IFT140: variants seen among roughly 807,000 people sequenced by gnomAD.
IFT140 encodes the protein intraflagellar transport 140, also known as intraflagellar transport protein 140 homolog.
IFT140 carries 133 observed loss-of-function variants against 164.6 expected under a neutral mutation model. That is an observed-to-expected ratio of 0.81 (90% CI 0.70 to 0.93). The LOEUF (loss-of-function observed/expected upper bound fraction) is 0.93. Ranked by LOEUF, IFT140 falls within the 40% of genes least tolerant of loss-of-function variation. IFT140 has a pLI of 0.00. For missense variants in IFT140, 2,045 were observed against 1,972.3 expected (o/e 1.04, Z -0.70); for synonymous variants, 860 against 817.3 (o/e 1.05, Z -0.89).
At chr16:1,560,694 C>T (rs1433486625) in intron 18 of IFT140, among the ~76,000 whole-genome samples, 1 of 152,200 alleles carries the variant, frequency 6.6e-6, no homozygotes, top group Non-Finnish European at 1.5e-5. Context: ...CCCTCTGTCC[C>T]AGTTTAAATG....
intron 30 of IFT140, among the ~76,000 whole-genome samples, chr16:1,516,014 C>T (rs2040326161): frequency 6.6e-6 from 1 of 151,892 alleles, no homozygotes; most frequent in Non-Finnish European, 1.5e-5. Context: ...GTGGCGCATG[C>T]CTGTAATCCC....
At chr16:1,598,879 T>A (rs371904646) in intron 4 of IFT140, among the ~76,000 whole-genome samples, 2,039 of 149,958 alleles carry the variant, frequency 0.014, 30 homozygotes, top group South Asian at 0.045. Flanking sequence ...CCGCCCATCG[T>A]CTGGGATGTG....
At chr16:1,596,227 C>T (rs952202280) in intron 4 of IFT140, among the ~76,000 whole-genome samples, 7 of 151,472 alleles carry the variant, frequency 4.6e-5, no homozygotes, top group Non-Finnish European at 8.8e-5. Flanking sequence ...TCCCTGGAGC[C>T]GAGGACCGCA....
At chr16:1,554,724 A>C in intron 19 of IFT140, 2 of 1,594,572 alleles carry the variant, frequency 1.3e-6, no homozygotes, top group Non-Finnish European at 1.7e-6. Flanking sequence ...GGGCTGGGGA[A>C]GGAGTGGAAC....
At chr16:1,511,941 GGA>G (rs1008429874) in intron 30 of IFT140, among the ~76,000 whole-genome samples, 3 of 151,758 alleles carry the variant, frequency 2.0e-5, no homozygotes, top group South Asian at 2.1e-4. Flanking sequence ...GCACAGGGAG[GGA>G]GAGAGAGGAA....
intron 13 of IFT140, chr16:1,577,752 G>A (rs1003952567): frequency 6.6e-6 from 1 of 152,220 alleles, no homozygotes; most frequent in African/African-American, 2.4e-5. Flanking sequence ...CTACTAGGGA[G>A]GCTGAGGCAG....
At chr16:1,530,132 TC>T (rs547411320) in intron 19 of IFT140, among the ~76,000 whole-genome samples, 9 of 143,324 alleles carry the variant, frequency 6.3e-5, no homozygotes, top group Admixed American at 3.6e-4. Flanking sequence ...ACGACGGGAA[TC>T]TTTTTTTTTT....
intron 3 of IFT140, among the ~76,000 whole-genome samples, chr16:1,605,662 C>T (rs1252558948): frequency 6.6e-6 from 1 of 152,106 alleles, no homozygotes; most frequent in Non-Finnish European, 1.5e-5. Flanking sequence ...CCCCGGCCTC[C>T]CAAAGTGTTG....
chr16:1,534,865 T>C (rs2235642), intron 19 of IFT140, among the ~76,000 whole-genome samples: 71,281 of 152,064 alleles, frequency 0.47, 18,186 homozygotes, highest in African/African-American at 0.68. Context: ...AGTTAAGAGA[T>C]GGGTACATTA....
At chr16:1,581,762 TGGGGA>T (rs963966804) in intron 12 of IFT140, among the ~76,000 whole-genome samples, 2 of 7,954 alleles carry the variant, frequency 2.5e-4, no homozygotes, top group Non-Finnish European at 4.5e-4. Flanking sequence ...GAGCGGGGGG[TGGGGA>T]GGGGAGGGGA....
chr16:1,516,486 A>G (rs1189721016), intron 30 of IFT140, among the ~76,000 whole-genome samples: 3 of 151,846 alleles, frequency 2.0e-5, no homozygotes, highest in Non-Finnish European at 4.4e-5. Context: ...ATAGTCCACT[A>G]AGGCCAGGTG....
chr16:1,524,851 T>A lies in IFT140; in HGVS notation c.2930A>T (p.Tyr977Phe), dbSNP rs770497567. ...GAAGTGGTCCCGGGCCAGCTCGTAG[T>A]AGTGCAGCGCGGCGTCCATCTCGCC... ...SQGEMDAALH[Y>F]YELARDHFSL... The change falls in exon 23 of 31, where the codon TAC (tyrosine) becomes TTC (phenylalanine). Residue 977 changes from tyrosine to phenylalanine, a missense_variant. Coordinates refer to ENST00000426508, the MANE Select transcript of IFT140 (RefSeq NM_014714.4). 6.2e-7 allele frequency: 1 copy of A among 1,613,198 alleles called. No individual in the cohort carries two copies. Among genetic ancestry groups the A allele is most frequent in the South Asian group, 1.1e-5 (1 of 91,078 alleles).
intron 10 of IFT140, among the ~76,000 whole-genome samples, 184 bp from the exon 11 acceptor site, chr16:1,584,604 G>A (rs1025655945): frequency 1.3e-5 from 2 of 152,208 alleles, no homozygotes; most frequent in African/African-American, 2.4e-5. Flanking sequence ...AGAGTATGCT[G>A]TGTAGAAAGA....
At position 1,564,003 on chromosome 16, in the gene IFT140, G is replaced by C. The variant is rs2033572350; in HGVS notation, c.2061C>G (p.Gly687=). 6.3e-7 allele frequency: 1 copy of C among 1,579,274 alleles called. No individual in the cohort carries two copies. The highest frequency in any genetic ancestry group is 1.4e-5 in the African/African-American group (1 of 73,834). The part of the protein sequence containing the change: ...ANGQPQDGRA[G]PAADVLILSF... ...TACAACAGGCAGAGCGTACCGCAGG[G>C]CCAGCGCGCCCATCTTGGGGCTGCC... The change falls in exon 17 of 31, where the codon GGC becomes GGG. Residue 687 remains glycine, a synonymous_variant. Coordinates refer to ENST00000426508, the MANE Select transcript of IFT140 (RefSeq NM_014714.4). This position sits in a 1 kb window ranked among gnomAD's most constrained non-coding sequence, Gnocchi z 5.5.
intron 19 of IFT140, among the ~76,000 whole-genome samples, chr16:1,555,977 G>T (rs1400976524): frequency 6.6e-6 from 1 of 152,056 alleles, no homozygotes. Flanking sequence ...GTGGTGGCGG[G>T]TGCCTGTAGT....
chr16:1,559,268 A>G (rs1450524745), intron 18 of IFT140, among the ~76,000 whole-genome samples: 2 of 152,176 alleles, frequency 1.3e-5, no homozygotes, highest in Non-Finnish European at 2.9e-5. Flanking sequence ...AAGCGCCCTG[A>G]CCTCTGATAA....
chr16:1,526,108 A>T (rs2141180710), intron 20 of IFT140, 31 bp from the exon 21 acceptor site: 1 of 1,547,250 alleles, frequency 6.5e-7, no homozygotes, highest in East Asian at 2.4e-5. Context: ...GGTGTCGTGC[A>T]GCCTCCACAC....
intron 19 of IFT140, among the ~76,000 whole-genome samples, chr16:1,538,024 C>T (rs1462364354): frequency 3.3e-5 from 5 of 151,540 alleles, no homozygotes; most frequent in Admixed American, 6.6e-5. Context: ...CGCACAGCCA[C>T]GCAGAGCCAC....
At chr16:1,534,931 G>A (rs544946753) in intron 19 of IFT140, among the ~76,000 whole-genome samples, 5 of 152,180 alleles carry the variant, frequency 3.3e-5, no homozygotes, top group South Asian at 2.1e-4. Flanking sequence ...ACGGCTGGGC[G>A]CAGTGGTTCA....
Sources: gnomAD v4.1 joint callset for allele counts (sites outside exome capture counted in the v4.1 genomes callset) on GRCh38, gnomAD v4.1.1 for gene constraint, Gnocchi (gnomAD v3.1) non-coding constraint, MANE v1.5 for transcripts, NCBI Gene and HGNC (gene_info 2026-07-23, HGNC 2026-07-21) for gene names.